The following RPS6KA2 variants were observed in gnomAD, a reference collection of about 807,000 sequenced individuals.
RPS6KA2 encodes ribosomal protein S6 kinase alpha-2.
Under a neutral mutation model 91.8 loss-of-function variants are expected in RPS6KA2, and 42 were observed. The ratio of observed to expected loss-of-function variants is 0.46; its 90% CI spans 0.36 to 0.59. The LOEUF is 0.59. RPS6KA2 is among the 20% of genes least tolerant of loss of function. RPS6KA2 has a pLI of 0.00. For synonymous variants in RPS6KA2, 414 were observed against 393.6 expected (o/e 1.05, Z -0.61); for missense variants, 798 against 978.5 (o/e 0.82, Z 2.46).
intron 10 of RPS6KA2, among the ~76,000 whole-genome samples, chr6:166,486,305 G>GCCCCC (rs1781408630): frequency 6.9e-6 from 1 of 144,420 alleles, no homozygotes. Flanking sequence ...CACACACAGT[G>GCCCCC]CCCCTGTGTG....
chr6:166,426,525 A>G (rs1281365866), intron 16 of RPS6KA2, among the ~76,000 whole-genome samples: 1 of 51,480 alleles, frequency 1.9e-5, no homozygotes, highest in Non-Finnish European at 3.8e-5. Context: ...TGGTTTTTTG[A>G]AAGGATCAAC....
chr6:166,553,952 T>C (rs919234978), intron 1 of RPS6KA2, among the ~76,000 whole-genome samples: 2 of 152,112 alleles, frequency 1.3e-5, no homozygotes, highest in African/African-American at 4.8e-5. Flanking sequence ...AATACACAGT[T>C]AGGTCAAAGT....
chr6:166,817,448 A>T (rs2128622144), intron 2 of RPS6KA2, among the ~76,000 whole-genome samples: 1 of 152,320 alleles, frequency 6.6e-6, no homozygotes, highest in East Asian at 1.9e-4. Flanking sequence ...TAGAGCAGAA[A>T]CACACAGAGA....
intron 2 of RPS6KA2, among the ~76,000 whole-genome samples, chr6:166,695,181 G>A (rs1789322052): frequency 6.6e-6 from 1 of 152,222 alleles, no homozygotes; most frequent in African/African-American, 2.4e-5. Context: ...AACCCAGGTT[G>A]GAGAGACAGG....
At chr6:166,818,331 C>T (rs1032538872) in intron 2 of RPS6KA2, among the ~76,000 whole-genome samples, 4 of 152,156 alleles carry the variant, frequency 2.6e-5, no homozygotes, top group African/African-American at 9.7e-5. Context: ...AGAGTCCAGG[C>T]TAATTGCATT....
At chr6:166,543,300 T>C (rs192319400) in intron 1 of RPS6KA2, among the ~76,000 whole-genome samples, 1 of 152,294 alleles carries the variant, frequency 6.6e-6, no homozygotes, top group African/African-American at 2.4e-5. Flanking sequence ...CGTATGAATG[T>C]TCTATGTTGC....
chr6:166,783,537 G>A (rs1015685479), intron 2 of RPS6KA2, among the ~76,000 whole-genome samples: 1 of 151,878 alleles, frequency 6.6e-6, no homozygotes, highest in African/African-American at 2.4e-5. Flanking sequence ...AGATACAAAT[G>A]ACATAGATAT....
At chr6:166,744,460 C>T (rs1325629109) in intron 2 of RPS6KA2, among the ~76,000 whole-genome samples, 5 of 152,214 alleles carry the variant, frequency 3.3e-5, no homozygotes, top group South Asian at 2.1e-4. Flanking sequence ...TCCCGGGGGC[C>T]TGCACTCCTT....
chr6:166,543,045 T>G (rs1783710929), intron 1 of RPS6KA2, among the ~76,000 whole-genome samples: 1 of 152,144 alleles, frequency 6.6e-6, no homozygotes. Flanking sequence ...AGAACGTATC[T>G]CCAACTCACA....
intron 10 of RPS6KA2, among the ~76,000 whole-genome samples, chr6:166,472,810 C>T (rs1163124460): frequency 6.6e-6 from 1 of 152,134 alleles, no homozygotes. Context: ...GCACTGAAGG[C>T]CTTCCTTGGT....
chr6:166,582,582 A>AT (rs932735676), intron 1 of RPS6KA2, among the ~76,000 whole-genome samples: 1 of 152,198 alleles, frequency 6.6e-6, no homozygotes, highest in African/African-American at 2.4e-5. Context: ...TATGCAATGA[A>AT]TTTTTATCAA....
At chr6:166,522,638 C>A (rs1400326925) in intron 3 of RPS6KA2, among the ~76,000 whole-genome samples, 1 of 152,176 alleles carries the variant, frequency 6.6e-6, no homozygotes, top group Non-Finnish European at 1.5e-5. Context: ...CTTTCTTTAC[C>A]CCCATAAAGG....
intron 2 of RPS6KA2, among the ~76,000 whole-genome samples, chr6:166,836,953 C>T (rs1780333212): frequency 6.6e-6 from 1 of 152,152 alleles, no homozygotes; most frequent in African/African-American, 2.4e-5. Flanking sequence ...TCTTCAGTCC[C>T]GCTCGGGCAC....
At chr6:166,789,909 G>C (rs1050149418) in intron 2 of RPS6KA2, among the ~76,000 whole-genome samples, 12 of 152,140 alleles carry the variant, frequency 7.9e-5, no homozygotes, top group African/African-American at 2.9e-4. Flanking sequence ...CACAAAGATG[G>C]GGAAAAAACA....
intron 11 of RPS6KA2, among the ~76,000 whole-genome samples, chr6:166,460,016 C>A (rs563574555): frequency 6.6e-6 from 1 of 152,192 alleles, no homozygotes; most frequent in Non-Finnish European, 1.5e-5. Context: ...TTCAGCTCTG[C>A]GGGGCACTGC....
At chr6:166,544,373 C>T (rs1038202767) in intron 1 of RPS6KA2, among the ~76,000 whole-genome samples, 11 of 152,156 alleles carry the variant, frequency 7.2e-5, no homozygotes, top group African/African-American at 2.2e-4. Context: ...GAACAGCCCC[C>T]GGAGAGCGAG....
At chr6:166,738,533 T>C (rs541020036) in intron 2 of RPS6KA2, among the ~76,000 whole-genome samples, 2 of 152,228 alleles carry the variant, frequency 1.3e-5, no homozygotes, top group African/African-American at 4.8e-5. Flanking sequence ...CACAAGGAGA[T>C]TGCACAGTAC....
At chr6:166,847,438 G>GCCCA in intron 2 of RPS6KA2, among the ~76,000 whole-genome samples, 1 of 152,100 alleles carries the variant, frequency 6.6e-6, no homozygotes, top group African/African-American at 2.4e-5. Flanking sequence ...CCAAAAAAGA[G>GCCCA]CCCACATAGC....
intron 2 of RPS6KA2, among the ~76,000 whole-genome samples, chr6:166,675,376 C>G (rs923994798): frequency 3.3e-5 from 5 of 152,234 alleles, no homozygotes; most frequent in African/African-American, 1.2e-4. Context: ...CCTGCCATCT[C>G]TCAGCCCTGG....
Sources: allele counts gnomAD v4.1 joint callset (sites outside exome capture counted in the v4.1 genomes callset), GRCh38; gene constraint gnomAD v4.1.1; transcripts MANE v1.5; gene names NCBI Gene and HGNC (gene_info 2026-07-23, HGNC 2026-07-21).